SLC25A12: variants seen among roughly 807,000 people sequenced by gnomAD.
SLC25A12 encodes solute carrier family 25 member 12, also known as electrogenic aspartate/glutamate antiporter SLC25A12, mitochondrial.
A neutral mutation model predicts 83.3 loss-of-function variants in SLC25A12; 32 were observed. That is an observed-to-expected ratio of 0.38 (90% CI 0.29 to 0.52). SLC25A12 has a LOEUF of 0.52. Among genes scored for constraint, SLC25A12 ranks in the 20% least tolerant of loss-of-function variants. The probability of loss-of-function intolerance (pLI) is 0.84; values close to 1 mark genes in which losing one functional copy is unlikely to be tolerated. For missense variants in SLC25A12, 611 were observed against 835.6 expected (o/e 0.73, Z 3.31); for synonymous variants, 267 against 291.1 (o/e 0.92, Z 0.84).
At chr2:171,862,756 T>TA (rs1462065351) in intron 3 of SLC25A12, among the ~76,000 whole-genome samples, 1 of 152,178 alleles carries the variant, frequency 6.6e-6, no homozygotes. Context: ...AACATATCTA[T>TA]AGGACTCATC....
In SLC25A12 at chr2:171,880,812, C is replaced by T. The variant is rs1685678407; in HGVS notation, c.67-11989G>A. 2.0e-5 allele frequency among the ~76,000 whole-genome samples: 3 copies of T among 152,116 alleles called. No homozygotes were observed. The South Asian group carries it at 6.2e-4, about 32-fold the overall frequency. ...CATAACAAAGTTATTTAAAGGGCTA[C>T]AGAAAAATAATGAAACAATTCTTTA... On this transcript the variant is annotated intron_variant, in intron 2 of 17. Coordinates refer to ENST00000422440, the MANE Select transcript of SLC25A12 (RefSeq NM_003705.5).
At chr2:171,871,097 G>A (rs765199566) in intron 2 of SLC25A12, among the ~76,000 whole-genome samples, 1 of 152,160 alleles carries the variant, frequency 6.6e-6, no homozygotes, top group Non-Finnish European at 1.5e-5. Flanking sequence ...AGCTATGCAG[G>A]ATGCTGAGGA....
chr2:171,794,727 A>G (rs1212690589), intron 13 of SLC25A12, among the ~76,000 whole-genome samples: 1 of 152,172 alleles, frequency 6.6e-6, no homozygotes, highest in Non-Finnish European at 1.5e-5. Flanking sequence ...GAAAAATCCC[A>G]TTTGTACATC....
chr2:171,796,879 C>T (rs1482394068), intron 13 of SLC25A12, among the ~76,000 whole-genome samples: 1 of 152,140 alleles, frequency 6.6e-6, no homozygotes, highest in Non-Finnish European at 1.5e-5. Flanking sequence ...CTGAGGTTGA[C>T]CACTCTCTCT....
intron 15 of SLC25A12, 101 bp from the exon 16 acceptor site, chr2:171,788,048 C>T (rs1408535247): frequency 4.9e-6 from 6 of 1,228,198 alleles, no homozygotes; most frequent in South Asian, 2.6e-5. Flanking sequence ...ACCACTTGAG[C>T]GGAACTCAAA....
intron 10 of SLC25A12, among the ~76,000 whole-genome samples, chr2:171,814,000 A>G (rs1388693475): frequency 1.3e-5 from 2 of 152,186 alleles, no homozygotes; most frequent in Non-Finnish European, 2.9e-5. Flanking sequence ...ACACTTCAAC[A>G]TTATCCTATC....
intron 5 of SLC25A12, among the ~76,000 whole-genome samples, chr2:171,842,460 G>C (rs1684700129): frequency 6.6e-6 from 1 of 152,054 alleles, no homozygotes; most frequent in African/African-American, 2.4e-5. Flanking sequence ...CAGGCATAGT[G>C]GCGCACACCT....
At chr2:171,818,860 A>G (rs1044233822) in intron 9 of SLC25A12, among the ~76,000 whole-genome samples, 10 of 152,028 alleles carry the variant, frequency 6.6e-5, no homozygotes, top group African/African-American at 2.4e-4. Flanking sequence ...AGAAATAGCT[A>G]AAGTTTTTAT....
chr2:171,857,051 A>G (rs1271210639), intron 3 of SLC25A12, among the ~76,000 whole-genome samples: 1 of 152,226 alleles, frequency 6.6e-6, no homozygotes, highest in Non-Finnish European at 1.5e-5. Context: ...TCTCTGTGTT[A>G]TACATGTTTG....
chr2:171,879,027 T>C (rs1172168130), intron 2 of SLC25A12, among the ~76,000 whole-genome samples: 2 of 152,204 alleles, frequency 1.3e-5, no homozygotes, highest in African/African-American at 4.8e-5. Context: ...GTTAGTTCAA[T>C]TAGAATAAAA....
chr2:171,840,369 A>C (rs1355118241), intron 5 of SLC25A12, among the ~76,000 whole-genome samples: 1 of 151,838 alleles, frequency 6.6e-6, no homozygotes, highest in Non-Finnish European at 1.5e-5. Flanking sequence ...CTGGGGGACA[A>C]GGTAAGACCC....
At chr2:171,822,023 A>T (rs1325968730) in intron 9 of SLC25A12, among the ~76,000 whole-genome samples, 2 of 152,190 alleles carry the variant, frequency 1.3e-5, no homozygotes, top group African/African-American at 4.8e-5. Context: ...TTGAATATCC[A>T]TCATTAATTA....
intron 11 of SLC25A12, among the ~76,000 whole-genome samples, chr2:171,811,466 A>G (rs1303007442): frequency 6.6e-6 from 1 of 152,222 alleles, no homozygotes; most frequent in African/African-American, 2.4e-5. Context: ...ACTCGCCTCA[A>G]TAAGGCTCAT....
intron 8 of SLC25A12, among the ~76,000 whole-genome samples, chr2:171,833,188 T>C (rs754668128): frequency 2.7e-4 from 41 of 152,158 alleles, no homozygotes; most frequent in Non-Finnish European, 4.3e-4. Context: ...AGTCACCCTA[T>C]CTCCACTAGA....
chr2:171,886,161 T>C (rs910851368), intron 2 of SLC25A12, among the ~76,000 whole-genome samples: 1 of 152,224 alleles, frequency 6.6e-6, no homozygotes, highest in South Asian at 2.1e-4. Context: ...TCATTCTTTT[T>C]AGTATCTGCA....
chr2:171,792,894 TG>T (rs1322440913), intron 14 of SLC25A12, among the ~76,000 whole-genome samples: 2 of 152,234 alleles, frequency 1.3e-5, no homozygotes, highest in Non-Finnish European at 2.9e-5. Flanking sequence ...TCTGCAGTGA[TG>T]GATCTATATC....
chr2:171,813,921 GA>G (rs943023364), intron 10 of SLC25A12, among the ~76,000 whole-genome samples: 2 of 152,118 alleles, frequency 1.3e-5, no homozygotes, highest in Admixed American at 1.3e-4. Flanking sequence ...AGGTGGCTAC[GA>G]TTTTAAAATT....
At chr2:171,841,407 C>T (rs1415448044) in intron 5 of SLC25A12, among the ~76,000 whole-genome samples, 3 of 151,962 alleles carry the variant, frequency 2.0e-5, no homozygotes, top group Non-Finnish European at 4.4e-5. Flanking sequence ...AGGGCTCACT[C>T]GGTCACCCAC....
chr2:171,875,045 G>A (rs945434958), intron 2 of SLC25A12, among the ~76,000 whole-genome samples: 1 of 152,144 alleles, frequency 6.6e-6, no homozygotes, highest in Non-Finnish European at 1.5e-5. Flanking sequence ...GAAATACAAC[G>A]TTGTAACTTT....
Sources: allele counts gnomAD v4.1 joint callset (sites outside exome capture counted in the v4.1 genomes callset), GRCh38; gene constraint gnomAD v4.1.1; transcripts MANE v1.5; gene names NCBI Gene and HGNC (gene_info 2026-07-23, HGNC 2026-07-21).